Variants in PCNX1 observed in about 807,000 individuals in gnomAD.
The protein encoded by PCNX1 is pecanex-like protein 1.
Under a neutral mutation model 242.2 loss-of-function variants are expected in PCNX1, and 78 were observed. That is an observed-to-expected ratio of 0.32 (90% CI 0.27 to 0.39). The LOEUF (loss-of-function observed/expected upper bound fraction) is 0.39, where lower values mean the gene tolerates loss of function less well. Ranked by LOEUF, PCNX1 falls within the 10% of genes least tolerant of loss-of-function variation. PCNX1 has a pLI of 1.00. For missense variants in PCNX1, 2,581 were observed against 2,856.5 expected, an observed-to-expected ratio of 0.90 and a Z score of 2.20; for synonymous variants, 1,024 against 1,032.9, an observed-to-expected ratio of 0.99 and a Z score of 0.17.
chr14:71,032,497 A>T (rs2060416312), intron 16 of PCNX1, among the ~76,000 whole-genome samples: 2 of 152,184 alleles, frequency 1.3e-5, no homozygotes, highest in African/African-American at 4.8e-5. Context: ...AGATCTAAGG[A>T]TGCAGCTCTA....
chr14:71,108,768 A>T lies in PCNX1; in HGVS notation c.6466A>T (p.Ile2156Leu). 2 of 1,614,234 alleles carry T rather than the reference A, an allele frequency of 1.2e-6. No individual in the cohort carries two copies. The highest frequency in any genetic ancestry group is 2.2e-5 in the South Asian group (2 of 91,086). ...TTGTCGGCGCTCTTCTACTAGTCAG[A>T]TATCGCTTCGAAACTTGCCATCATC... ...VPCRRSSTSQ[I>L]SLRNLPSSIQ... is the part of the protein sequence containing the mutation. Residue 2156 changes from isoleucine to leucine, a missense_variant, in exon 34 of 36, where the codon ATA becomes TTA. By Grantham distance (5) the Ile-to-Leu change is conservative (BLOSUM62 2). This residue lies in a region of PCNX1 where 432 missense variants were observed against 433.6 expected (regional missense o/e 1.00). Transcript: ENST00000304743.
chr14:70,950,423 T>A lies in PCNX1; in HGVS notation c.362+3300T>A, dbSNP rs146601213. Among the ~76,000 whole-genome samples the A allele has an allele frequency of 1.7e-3, 256 of 152,280 alleles. 2 individuals carry two copies. Among genetic ancestry groups the A allele is most frequent in the Non-Finnish European group, 2.2e-3 (152 of 67,984 alleles). ...TTTATCCTATTTTAAATTATATCAA[T>A]CATTTTGAAATTTAAATATTAGATA... On this transcript the variant is annotated intron_variant, in intron 2 of 35. Transcript: ENST00000304743.
chr14:70,921,904 A>T (rs894016642), intron 1 of PCNX1, among the ~76,000 whole-genome samples: 2 of 152,124 alleles, frequency 1.3e-5, no homozygotes, highest in African/African-American at 4.8e-5. Context: ...AATATTTTTA[A>T]TTTGTCTATT....
At chr14:70,932,236 CAT>C (rs2056829614) in intron 1 of PCNX1, among the ~76,000 whole-genome samples, 1 of 152,110 alleles carries the variant, frequency 6.6e-6, no homozygotes, top group Admixed American at 6.6e-5. Context: ...GAAACTATAG[CAT>C]ATAAGGCAGC....
intron 20 of PCNX1, 61 bp from the exon 21 acceptor site, chr14:71,046,899 TTCTC>T (rs1260425172): frequency 1.5e-6 from 2 of 1,366,252 alleles, no homozygotes; most frequent in African/African-American, 3.0e-5. Context: ...AAATTTTTCT[TTCTC>T]ATCACATTGA....
In PCNX1 at chr14:71,046,996, C is replaced by A. The variant is rs763629756; in HGVS notation, c.4051C>A (p.His1351Asn). The A allele has an allele frequency of 6.2e-7, 1 of 1,610,092 alleles. No homozygotes were observed. Among genetic ancestry groups the A allele is most frequent in the Non-Finnish European group, 8.5e-7 (1 of 1,177,572 alleles). The change falls in exon 21 of 36, where the codon CAT becomes AAT. Residue 1351 changes from histidine to asparagine, a missense_variant. This residue lies in a region of PCNX1 where 432 missense variants were observed against 443.1 expected (regional missense o/e 0.97). Transcript: ENST00000304743. ...CACTATGATGTGGTTTGAGAAACTT[C>A]ATGTGTGGCTTCTTTTTGTGGAGAA... Reference protein sequence around the residue: ...AATMMWFEKLHVWLLFVEKNI... With the variant: ...AATMMWFEKLNVWLLFVEKNI...
At chr14:71,096,270 A>G (rs1418830907) in intron 30 of PCNX1, among the ~76,000 whole-genome samples, 1 of 152,046 alleles carries the variant, frequency 6.6e-6, no homozygotes, top group Non-Finnish European at 1.5e-5. Context: ...GTGAGCTGAG[A>G]TTGTGCCACT....
rs186981134 is a variant in PCNX1 at position 71,003,187 on chromosome 14, G to A, written c.2630-6447G>A. 4.4e-3 allele frequency among the ~76,000 whole-genome samples: 647 copies of A among 147,938 alleles called. 4 individuals carry two copies. The highest frequency in any genetic ancestry group is 5.1e-3 in the Non-Finnish European group (345 of 67,512). ...CTACCTCTGCCTCCTGGGTTCAAGCGATTCTCCTACCTCAGCCCCGCAAGT... is the reference window on the plus strand; with the variant it reads ...CTACCTCTGCCTCCTGGGTTCAAGCAATTCTCCTACCTCAGCCCCGCAAGT... On this transcript the variant is annotated intron_variant, in intron 8 of 35. Transcript: ENST00000304743.
intron 30 of PCNX1, among the ~76,000 whole-genome samples, chr14:71,100,169 C>T (rs2062425037): frequency 6.6e-6 from 1 of 152,094 alleles, no homozygotes; most frequent in Non-Finnish European, 1.5e-5. Flanking sequence ...CGTAGTTCTA[C>T]TGTATGGTTG....
intron 26 of PCNX1, among the ~76,000 whole-genome samples, chr14:71,067,856 G>T (rs186259706): frequency 1.3e-5 from 2 of 151,260 alleles, no homozygotes; most frequent in Non-Finnish European, 2.9e-5. Flanking sequence ...CCTTCATTTC[G>T]TTATATATAT....
intron 6 of PCNX1, among the ~76,000 whole-genome samples, chr14:70,983,115 T>C (rs1461035625): frequency 1.3e-5 from 2 of 152,196 alleles, no homozygotes; most frequent in Admixed American, 1.3e-4. Flanking sequence ...ATTAAGGGAC[T>C]CTCCTGAAAG....
chr14:70,965,236 C>G (rs1595074403), intron 3 of PCNX1: 1 of 152,050 alleles, frequency 6.6e-6, no homozygotes, highest in Non-Finnish European at 1.5e-5. Context: ...ACTTTTCTAC[C>G]TTCAAATATT....
In PCNX1 at chr14:70,941,970, AC is replaced by A. The variant is rs1474117508; in HGVS notation, c.154-4943del. On this transcript the variant is annotated intron_variant, in intron 1 of 35. Transcript: ENST00000304743. ...ATCTCCTGGTGTGTTGTTTGCTAAG[AC>A]CATTGGAAAAGCACAGTATTAGGGT... Among the ~76,000 whole-genome samples, 6 of 152,170 alleles carry A rather than the reference AC, an allele frequency of 3.9e-5. No homozygotes were observed. The South Asian group carries it at 1.2e-3, about 32-fold the overall frequency.
chr14:70,931,951 C>T (rs2056816592), intron 1 of PCNX1, among the ~76,000 whole-genome samples: 1 of 152,178 alleles, frequency 6.6e-6, no homozygotes, highest in South Asian at 2.1e-4. Context: ...TGGATAAACC[C>T]TGTCTCTACT....
chr14:70,909,953 G>A (rs1200703288), intron 1 of PCNX1, among the ~76,000 whole-genome samples: 1 of 150,986 alleles, frequency 6.6e-6, no homozygotes, highest in African/African-American at 2.4e-5. Flanking sequence ...ATGACTGCTG[G>A]TTTTAGAGTT....
intron 2 of PCNX1, among the ~76,000 whole-genome samples, chr14:70,950,976 C>A (rs1461905369): frequency 6.6e-6 from 1 of 151,788 alleles, no homozygotes; most frequent in South Asian, 2.1e-4. Context: ...CTTTTGATAA[C>A]GTTTTCTAAG....
At chr14:71,056,511 T>A (rs977377621) in intron 25 of PCNX1, among the ~76,000 whole-genome samples, 2 of 152,250 alleles carry the variant, frequency 1.3e-5, no homozygotes, top group African/African-American at 4.8e-5. Flanking sequence ...CCTTTCATTA[T>A]TTTATTCAAT....
At chr14:70,941,138 A>G (rs1301894605) in intron 1 of PCNX1, among the ~76,000 whole-genome samples, 1 of 152,186 alleles carries the variant, frequency 6.6e-6, no homozygotes, top group Non-Finnish European at 1.5e-5. Context: ...CAACTCGTCA[A>G]ACTCATTCTC....
chr14:70,941,295 A>G (rs945483567), intron 1 of PCNX1, among the ~76,000 whole-genome samples: 2 of 152,168 alleles, frequency 1.3e-5, no homozygotes, highest in Admixed American at 6.5e-5. Context: ...ATGGTGACCT[A>G]CAGTTGGGGT....
Sources: allele counts gnomAD v4.1 joint callset (sites outside exome capture counted in the v4.1 genomes callset), GRCh38; gene constraint gnomAD v4.1.1; regional missense constraint gnomAD v4.1.1; transcripts MANE v1.5; gene names NCBI Gene and HGNC (gene_info 2026-07-23, HGNC 2026-07-21).